RAP1GAP: variants seen among roughly 807,000 people sequenced by gnomAD.
The protein encoded by RAP1GAP is RAP1 GTPase activating protein.
A neutral mutation model predicts 87.2 loss-of-function variants in RAP1GAP; 35 were observed. The ratio of observed to expected loss-of-function variants is 0.40; its 90% CI spans 0.31 to 0.53. The LOEUF is 0.53. Ranked by LOEUF, RAP1GAP falls within the 20% of genes least tolerant of loss-of-function variation. The pLI is 0.48. For synonymous variants in RAP1GAP, 375 were observed against 363.9 expected, an observed-to-expected ratio of 1.03 and a Z score of -0.35; for missense variants, 734 against 898.9, an observed-to-expected ratio of 0.82 and a Z score of 2.35.
chr1:21,619,326 T>G (rs1570788967), intron 4 of RAP1GAP, among the ~76,000 whole-genome samples: 1 of 115,808 alleles, frequency 8.6e-6, no homozygotes. Flanking sequence ...CCGCTGGGAG[T>G]GGGGGCAGGG....
chr1:21,626,905 G>A (rs2092346393), intron 2 of RAP1GAP: 1 of 456,664 alleles, frequency 2.2e-6, no homozygotes, highest in Non-Finnish European at 4.4e-6. Context: ...TAGGCCCGAG[G>A]GCATGGCCTC....
chr1:21,614,137 G>A (rs1173380796), intron 7 of RAP1GAP, 48 bp from the exon 8 acceptor site: 1 of 1,362,668 alleles, frequency 7.3e-7, no homozygotes. Flanking sequence ...CTGAGCATGG[G>A]GCTTTTGGAA....
intron 5 of RAP1GAP, 40 bp downstream of exon 5, chr1:21,618,985 C>T: frequency 6.4e-7 from 1 of 1,564,022 alleles, no homozygotes; most frequent in Non-Finnish European, 8.7e-7. Context: ...GGACCCCCTC[C>T]ACCCCCTAGA....
At chr1:21,664,114 G>A (rs1316143854) in intron 1 of RAP1GAP, among the ~76,000 whole-genome samples, 1 of 152,206 alleles carries the variant, frequency 6.6e-6, no homozygotes, top group African/African-American at 2.4e-5. Flanking sequence ...CGGAACACAA[G>A]GTTCCTGACT....
At position 21,640,681 on chromosome 1, in the gene RAP1GAP, C is replaced by A. The variant is rs139465415; in HGVS notation, c.-113+9080G>T. ...CAAGCAGCAGTTCCCTTACCCCCGACTAAAATAGGTCCAGGGTCTTTGCGC... is the reference window on the plus strand; with the variant it reads ...CAAGCAGCAGTTCCCTTACCCCCGAATAAAATAGGTCCAGGGTCTTTGCGC... On this transcript the variant is annotated intron_variant, in intron 2 of 24. Coordinates refer to ENST00000374765, the MANE Select transcript of RAP1GAP (RefSeq NM_002885.4). Among the ~76,000 whole-genome samples the A allele has an allele frequency of 2.4e-3, 362 of 151,842 alleles. 2 individuals carry two copies. Among genetic ancestry groups the A allele is most frequent in the Middle Eastern group, 6.8e-3 (2 of 294 alleles).
At chr1:21,653,246 C>T (rs1179518896) in intron 1 of RAP1GAP, 3 of 152,220 alleles carry the variant, frequency 2.0e-5, no homozygotes, top group Non-Finnish European at 1.5e-5. Flanking sequence ...CCCCTCTCGG[C>T]TCCCACCTGG....
At chr1:21,652,878 C>G (rs969531054) in intron 1 of RAP1GAP, among the ~76,000 whole-genome samples, 8 of 152,208 alleles carry the variant, frequency 5.3e-5, no homozygotes, top group Non-Finnish European at 1.2e-4. Flanking sequence ...GATCCTTCCC[C>G]CAGGCCCTGC....
Position 21,617,483 on chromosome 1 carries a change from C to A in RAP1GAP, c.114G>T (p.Gly38=). 1 of 1,597,226 alleles carries A rather than the reference C, an allele frequency of 6.3e-7. No individual in the cohort carries two copies. Among genetic ancestry groups the A allele is most frequent in the Non-Finnish European group, 8.5e-7 (1 of 1,172,264 alleles). ...GGATGAGGGGGAAGGGTCCTTCTCG[C>A]CCCAAGACCTGAAGAGGGACTCAGC... The part of the protein sequence containing the change: ...IPYPSVHEVL[G]REGPFPLILL... The change falls in exon 7 of 25, where the codon GGG becomes GGT. Residue 38 remains glycine (G), a synonymous_variant. Transcript: ENST00000374765.
chr1:21,642,393 C>T (rs143736732), intron 2 of RAP1GAP, among the ~76,000 whole-genome samples: 1 of 152,322 alleles, frequency 6.6e-6, no homozygotes, highest in Non-Finnish European at 1.5e-5. Flanking sequence ...CTCATTTAAT[C>T]CCCCCACCAA....
At chr1:21,642,066 A>C (rs982340439) in intron 2 of RAP1GAP, among the ~76,000 whole-genome samples, 6 of 152,238 alleles carry the variant, frequency 3.9e-5, no homozygotes, top group Non-Finnish European at 2.9e-5. Context: ...AAGGCTCAGC[A>C]AGGTGACGGA....
At position 21,613,970 on chromosome 1, in the gene RAP1GAP, C is replaced by A. The variant is rs1026608038; in HGVS notation, c.395+16G>T. On this transcript the variant is annotated intron_variant, in intron 8 of 24. Coordinates refer to ENST00000374765, the MANE Select transcript of RAP1GAP (RefSeq NM_002885.4). The surrounding 1 kb of genome is among the most constrained non-coding windows in gnomAD (Gnocchi z 4.7). ...CAGCCCTTCCTGCCATCTCAGGACT[C>A]CCCCACCACCCTCACCTGAGCAGCA... The A allele has an allele frequency of 1.3e-6, 2 of 1,564,716 alleles. No homozygotes were observed. Among genetic ancestry groups the A allele is most frequent in the Admixed American group, 3.4e-5 (2 of 58,222 alleles).
At chr1:21,616,136 AACACACACAC>A (rs58644324) in intron 7 of RAP1GAP, among the ~76,000 whole-genome samples, 1,602 of 126,856 alleles carry the variant, frequency 0.013, 34 homozygotes, top group African/African-American at 0.037. Flanking sequence ...CCCTCTTCCC[AACACACACAC>A]ACACACACAC....
chr1:21,600,089 G>A (rs890363525), intron 20 of RAP1GAP, among the ~76,000 whole-genome samples: 3 of 152,164 alleles, frequency 2.0e-5, no homozygotes, highest in African/African-American at 7.2e-5. Flanking sequence ...ACTCAGCACA[G>A]GTGGGAGGGC....
Position 21,614,058 on chromosome 1 carries a change from G to A in RAP1GAP, c.323C>T (p.Ala108Val). ...EHFNYYSLDA[A>V]LGHLVFSLKY... ...GAGTGAGAAGACAAGGTGGCCGAGG[G>A]CAGCGTCCAGTGAGTAGTAATTGAA... is the stretch of plus-strand genomic sequence containing the variant. The change falls in exon 8 of 25, where the codon GCC becomes GTC. Residue 108 changes from alanine (A) to valine (V), a missense_variant. This residue lies in a region of RAP1GAP where 485 missense variants were observed against 646.2 expected (regional missense o/e 0.75). Coordinates refer to ENST00000374765, the MANE Select transcript of RAP1GAP (RefSeq NM_002885.4). 1 of 1,611,450 alleles carries A rather than the reference G, an allele frequency of 6.2e-7. No homozygotes were observed. The highest frequency in any genetic ancestry group is 1.1e-5 in the South Asian group (1 of 90,656).
chr1:21,609,454 G>T lies in RAP1GAP; in HGVS notation c.1071+121C>A. 1 of 566,718 alleles carries T rather than the reference G, an allele frequency of 1.8e-6. No homozygotes were observed. Among genetic ancestry groups the T allele is most frequent in the African/African-American group, 1.9e-5 (1 of 51,984 alleles). The allele number at this position is 566,718 out of a possible 1,614,324, so 35.1% of individuals were successfully genotyped here. Reference sequence around the variant, plus strand: ...AGCCAGGCCCCGGTTGCAGTTAGGGGAGCCCAGCTGCCCTGGCATACAATG... The same window carrying T: ...AGCCAGGCCCCGGTTGCAGTTAGGGTAGCCCAGCTGCCCTGGCATACAATG... On this transcript the variant is annotated intron_variant, in intron 15 of 24. Transcript: ENST00000374765. This position sits in a 1 kb window ranked among gnomAD's most constrained non-coding sequence, Gnocchi z 4.4.
At chr1:21,641,395 C>G (rs1274477264) in intron 2 of RAP1GAP, among the ~76,000 whole-genome samples, 1 of 152,196 alleles carries the variant, frequency 6.6e-6, no homozygotes, top group Non-Finnish European at 1.5e-5. Context: ...GACTACTCTT[C>G]CCACAGCCAG....
intron 14 of RAP1GAP, 24 bp downstream of exon 14, chr1:21,610,096 C>A (rs753451326): frequency 6.2e-7 from 1 of 1,612,040 alleles, no homozygotes; most frequent in Non-Finnish European, 8.5e-7. Flanking sequence ...GCTGATGCCC[C>A]TGGGAGGCTC....
chr1:21,650,350 C>A (rs1358987700), intron 1 of RAP1GAP, among the ~76,000 whole-genome samples: 1 of 152,076 alleles, frequency 6.6e-6, no homozygotes, highest in African/African-American at 2.4e-5. Flanking sequence ...ACACACGTAC[C>A]CTGCTCCCTA....
intron 2 of RAP1GAP, among the ~76,000 whole-genome samples, chr1:21,643,552 G>A (rs539874708): frequency 1.5e-4 from 17 of 113,652 alleles, no homozygotes; most frequent in Admixed American, 2.2e-4. Context: ...GCAAGACTCC[G>A]TCTCAAAAAA....
Sources: allele counts gnomAD v4.1 joint callset (sites outside exome capture counted in the v4.1 genomes callset), GRCh38; gene constraint gnomAD v4.1.1; regional missense constraint gnomAD v4.1.1; non-coding constraint Gnocchi (gnomAD v3.1); transcripts MANE v1.5; gene names NCBI Gene and HGNC (gene_info 2026-07-23, HGNC 2026-07-21).